Variants in RBM20 observed in about 807,000 individuals in gnomAD.
RBM20 encodes the protein RNA binding motif protein 20.
RBM20 carries 51 observed loss-of-function variants against 110.1 expected under a neutral mutation model. That is an observed-to-expected ratio of 0.46 (90% confidence interval 0.37 to 0.59). The LOEUF is 0.59. Among genes scored for constraint, RBM20 ranks in the 20% least tolerant of loss-of-function variants. The pLI is 0.00. For synonymous variants in RBM20, 589 were observed against 618.2 expected, an observed-to-expected ratio of 0.95 and a Z score of 0.70; for missense variants, 1,512 against 1,574.9, an observed-to-expected ratio of 0.96 and a Z score of 0.68.
chr10:110,775,359 G>T (rs1844247849), intron 1 of RBM20, among the ~76,000 whole-genome samples: 1 of 152,240 alleles, frequency 6.6e-6, no homozygotes, highest in African/African-American at 2.4e-5. Context: ...TATTGCAGAT[G>T]TGGCCGGTGC....
intron 1 of RBM20, among the ~76,000 whole-genome samples, chr10:110,676,561 A>G (rs142248606): frequency 2.4e-4 from 36 of 152,356 alleles, no homozygotes; most frequent in African/African-American, 7.9e-4. Context: ...GCACATTTCA[A>G]ACTGTTCATA....
In RBM20 at chr10:110,781,229, C is replaced by T. The variant is rs1185360800; in HGVS notation, c.620C>T (p.Pro207Leu). 3 of 1,551,604 alleles carry T rather than the reference C, an allele frequency of 1.9e-6. No individual in the cohort carries two copies. The stretch of plus-strand genomic sequence containing the variant: ...TTCACTGGGGTAATGCCTCAGACCC[C>T]TGGCCAGCCAGCAGTCATCTTGGGC... Reference protein sequence around the residue: ...HPFTGVMPQTPGQPAVILGIG... With the variant: ...HPFTGVMPQTLGQPAVILGIG... The change falls in exon 2 of 14, where the codon CCT becomes CTT. Residue 207 changes from proline to leucine, a missense_variant. Transcript: ENST00000369519.
intron 1 of RBM20, among the ~76,000 whole-genome samples, chr10:110,722,759 C>A (rs1476302176): frequency 6.6e-6 from 1 of 152,132 alleles, no homozygotes; most frequent in Non-Finnish European, 1.5e-5. Flanking sequence ...CTAATTACAT[C>A]TCTGATACCA....
chr10:110,662,434 G>T (rs1384257403), intron 1 of RBM20, among the ~76,000 whole-genome samples: 1 of 152,158 alleles, frequency 6.6e-6, no homozygotes, highest in Non-Finnish European at 1.5e-5. Context: ...AATTTCCTCG[G>T]TCTAAAATGT....
intron 13 of RBM20, among the ~76,000 whole-genome samples, chr10:110,834,528 T>A (rs1018401667): frequency 6.6e-6 from 1 of 152,194 alleles, no homozygotes; most frequent in Non-Finnish European, 1.5e-5. Flanking sequence ...ATATGGCTGG[T>A]GCTGCTAATA....
chr10:110,769,586 T>A (rs939937389), intron 1 of RBM20, among the ~76,000 whole-genome samples: 13 of 152,188 alleles, frequency 8.5e-5, no homozygotes, highest in Non-Finnish European at 1.5e-5. Flanking sequence ...TATAATTAAT[T>A]ACATGTGTCC....
intron 1 of RBM20, among the ~76,000 whole-genome samples, chr10:110,672,465 C>T (rs1335404494): frequency 6.6e-6 from 1 of 152,244 alleles, no homozygotes; most frequent in Non-Finnish European, 1.5e-5. Context: ...GACCTTCTCT[C>T]CGGGCTGCTG....
rs730880184 is a variant in RBM20, at chr10:110,812,790, C to T, written c.2393C>T (p.Pro798Leu). The T allele has an allele frequency of 1.9e-4, 297 of 1,551,330 alleles. No individual in the cohort carries two copies. The highest frequency in any genetic ancestry group is 2.3e-4 in the Non-Finnish European group (266 of 1,146,808). The change falls in exon 9 of 14, where the codon CCG becomes CTG. Residue 798 changes from proline to leucine, a missense_variant. Transcript: ENST00000369519. The part of the protein sequence containing the change: ...ARLRESRHPH[P>L]DDSGKEDGLG... ...CTGCGGGAAAGCAGACACCCCCATC[C>T]GGATGACTCAGGCAAGGAAGATGGG... is the stretch of plus-strand genomic sequence containing the variant.
At chr10:110,650,222 A>C (rs1861926732) in intron 1 of RBM20, among the ~76,000 whole-genome samples, 1 of 152,140 alleles carries the variant, frequency 6.6e-6, no homozygotes, top group South Asian at 2.1e-4. Context: ...TTAATATGAT[A>C]AACTCTTTAC....
At chr10:110,694,526 C>A (rs1398968540) in intron 1 of RBM20, among the ~76,000 whole-genome samples, 1 of 152,118 alleles carries the variant, frequency 6.6e-6, no homozygotes, top group Non-Finnish European at 1.5e-5. Context: ...GATATTCTCT[C>A]CACAGAAGAA....
At chr10:110,766,344 A>G (rs1479627066) in intron 1 of RBM20, among the ~76,000 whole-genome samples, 1 of 84,270 alleles carries the variant, frequency 1.2e-5, no homozygotes, top group Non-Finnish European at 2.6e-5. Flanking sequence ...TTTTTGTTTT[A>G]ATTGATCATT....
intron 1 of RBM20, among the ~76,000 whole-genome samples, chr10:110,737,189 A>AC (rs1564830202): frequency 1.4e-5 from 2 of 142,566 alleles, no homozygotes; most frequent in African/African-American, 2.6e-5. Flanking sequence ...AAAAAAAAAA[A>AC]AAAAAAAACA....
At chr10:110,655,875 T>C (rs1267866319) in intron 1 of RBM20, among the ~76,000 whole-genome samples, 1 of 148,512 alleles carries the variant, frequency 6.7e-6, no homozygotes, top group East Asian at 2.0e-4. Context: ...TTCAGAGGTC[T>C]AATAATAAAA....
intron 1 of RBM20, among the ~76,000 whole-genome samples, chr10:110,735,217 A>C (rs1424574470): frequency 6.6e-6 from 1 of 152,252 alleles, no homozygotes; most frequent in African/African-American, 2.4e-5. Context: ...CCAGGTATAT[A>C]TAGGAAAAAA....
At chr10:110,790,945 T>G (rs1844476173) in intron 5 of RBM20, among the ~76,000 whole-genome samples, 2 of 152,224 alleles carry the variant, frequency 1.3e-5, no homozygotes, top group Non-Finnish European at 2.9e-5. Context: ...ATTTTAACGT[T>G]TTGTGACTCT....
At chr10:110,728,529 G>T (rs918751059) in intron 1 of RBM20, among the ~76,000 whole-genome samples, 1 of 152,136 alleles carries the variant, frequency 6.6e-6, no homozygotes, top group Non-Finnish European at 1.5e-5. Context: ...GTCAAGGTGA[G>T]GGGGAGTGAC....
chr10:110,680,789 G>A (rs547532636), intron 1 of RBM20, among the ~76,000 whole-genome samples: 7 of 152,254 alleles, frequency 4.6e-5, no homozygotes, highest in South Asian at 2.1e-4. Context: ...GTTGGAGGAA[G>A]ACAGGTGCTT....
chr10:110,702,985 TTTCTTG>T (rs373271331), intron 1 of RBM20, among the ~76,000 whole-genome samples: 2 of 134,654 alleles, frequency 1.5e-5, no homozygotes, highest in Non-Finnish European at 3.1e-5. Flanking sequence ...GTGGGTTTTT[TTTCTTG>T]TTTTTTTTTT....
chr10:110,678,364 A>G (rs1027021923), intron 1 of RBM20, among the ~76,000 whole-genome samples: 1 of 152,210 alleles, frequency 6.6e-6, no homozygotes, highest in African/African-American at 2.4e-5. Context: ...TTCAAGACGT[A>G]CTTGAGCTCA....
Sources: gnomAD v4.1 joint callset for allele counts (sites outside exome capture counted in the v4.1 genomes callset) on GRCh38, gnomAD v4.1.1 for gene constraint, MANE v1.5 for transcripts, NCBI Gene and HGNC (gene_info 2026-07-23, HGNC 2026-07-21) for gene names.